Variants in BAZ2A observed in about 807,000 individuals in gnomAD.
The protein encoded by BAZ2A is bromodomain adjacent to zinc finger domain protein 2A.
Under a neutral mutation model 199.9 loss-of-function variants are expected in BAZ2A, and 34 were observed. That is an observed-to-expected ratio of 0.17 (90% CI 0.13 to 0.23). BAZ2A has a LOEUF of 0.23. BAZ2A is among the 10% of genes least tolerant of loss of function. The pLI, the probability that BAZ2A is intolerant of heterozygous loss-of-function variation, is 1.00. For missense variants in BAZ2A, 2,002 were observed against 2,391.1 expected (o/e 0.84, Z 3.39); for synonymous variants, 857 against 883.9 (o/e 0.97, Z 0.54).
At chr12:56,630,615 T>G (rs1360721169), upstream of BAZ2A, among the ~76,000 whole-genome samples, 4 of 152,194 alleles carry the variant, frequency 2.6e-5, no homozygotes, top group African/African-American at 9.7e-5. Context: ...CAAAGGCAGG[T>G]GCCACTTCTC....
chr12:56,625,425 C>T (rs534238720), intron 1 of BAZ2A, among the ~76,000 whole-genome samples: 4 of 151,994 alleles, frequency 2.6e-5, no homozygotes, highest in East Asian at 1.9e-4. Context: ...CAAAGTGCTG[C>T]GACTGCAGGC....
chr12:56,617,493 G>A lies in BAZ2A; in HGVS notation c.38C>T (p.Pro13Leu). ...ANDHFNFTGL[P>L]PAPAASGLKP... ...CAGTCCTGAGGCAGCAGGTGCAGGG[G>A]GAAGGCCAGTAAAGTTAAAATGGTC... Residue 13 changes from proline (P) to leucine (L), a missense_variant, in exon 2 of 29, where the codon CCC (proline) becomes CTC (leucine). By Grantham distance (98) the Pro-to-Leu change is moderately conservative. Around this residue, in one of 6 missense-constraint regions of BAZ2A, gnomAD observed 641 missense variants for 694.5 expected, o/e 0.92. Transcript: ENST00000549884. The A allele has an allele frequency of 1.2e-6, 2 of 1,609,546 alleles. No individual in the cohort carries two copies. The highest frequency in any genetic ancestry group is 1.7e-6 in the Non-Finnish European group (2 of 1,178,032).
rs776907008 is a variant in BAZ2A, at chr12:56,603,382, G to A, written c.3256C>T (p.Arg1086Cys). 6.2e-6 allele frequency: 10 copies of A among 1,613,870 alleles called. No individual in the cohort carries two copies. Among genetic ancestry groups the A allele is most frequent in the Middle Eastern group, 1.6e-4 (1 of 6,084 alleles). The change falls in exon 18 of 29, where the codon CGC (arginine) becomes TGC (cysteine). Residue 1086 changes from arginine (R) to cysteine (C), a missense_variant. Transcript: ENST00000549884. Reference sequence around the variant, plus strand: ...ACCTTGCTGAGTTTTTCTATCTGGCGCTCTAGCTCTGGGATGCTAGATGCT... The same window carrying A: ...ACCTTGCTGAGTTTTTCTATCTGGCACTCTAGCTCTGGGATGCTAGATGCT... ...ATASSIPELE[R>C]QIEKLSKRQL... is the part of the protein sequence containing the mutation.
At chr12:56,626,825 C>T (rs1951109387) in intron 1 of BAZ2A, among the ~76,000 whole-genome samples, 1 of 152,192 alleles carries the variant, frequency 6.6e-6, no homozygotes, top group Admixed American at 6.5e-5. Context: ...AGTGCCAATT[C>T]AGGTAAGCAA....
Position 56,612,203 on chromosome 12 carries a change from T to C in BAZ2A, c.1179A>G (p.Glu393=), listed in dbSNP as rs1472965773. ...DLNNGSDAEQ[E]EMETQSSDFP... Reference sequence around the variant, plus strand: ...AGTCTGAAGATTGAGTTTCCATTTCTTCCTGTTCAGCGTCACTACCATTAT... The same window carrying C: ...AGTCTGAAGATTGAGTTTCCATTTCCTCCTGTTCAGCGTCACTACCATTAT... The change falls in exon 6 of 29, where the codon GAA becomes GAG. Residue 393 remains glutamate, a synonymous_variant. Transcript: ENST00000549884. 2 of 1,613,812 alleles carry C rather than the reference T, an allele frequency of 1.2e-6. No individual in the cohort carries two copies. The highest frequency in any genetic ancestry group is 2.2e-5 in the South Asian group (2 of 91,056).
exon 1 of BAZ2A, chr12:56,636,205 AG>A: frequency 1.9e-6 from 3 of 1,592,072 alleles, no homozygotes; most frequent in Non-Finnish European, 2.6e-6. Flanking sequence ...GCACAGCTCC[AG>A]GCTGGGACCA....
chr12:56,595,608 G>A lies in BAZ2A; in HGVS notation c.*3010C>T, dbSNP rs1885706612. On this transcript the variant is annotated 3_prime_UTR_variant, in exon 29 of 29. Transcript: ENST00000549884. ...ATAAAACACAAAAGTCTACGTCTTG[G>A]TGTCTTATCCGTGAGTGGGAAGTGG... 1 of 151,386 alleles carries A rather than the reference G, an allele frequency of 6.6e-6. No homozygotes were observed. The highest frequency in any genetic ancestry group is 2.4e-5 in the African/African-American group (1 of 41,114). The allele number at this position is 151,386 out of a possible 1,614,324, so 9.4% of individuals were successfully genotyped here. A position where few individuals can be genotyped will look rare whatever the true frequency, so the allele number is the denominator to read the frequency against.
At position 56,635,350 on chromosome 12, in the gene BAZ2A, G is replaced by C. The variant is rs1355371991; in HGVS notation, c.4+832C>G. 6.6e-6 allele frequency among the ~76,000 whole-genome samples: 1 copy of C among 152,102 alleles called. No individual in the cohort carries two copies. The highest frequency in any genetic ancestry group is 6.5e-5 in the Admixed American group (1 of 15,280). ...AAAGAGGCCGGGGAAGGCAGAAAGAGCTACATGGGCTCCTAGGAGGCCTAG... is the reference window on the plus strand; with the variant it reads ...AAAGAGGCCGGGGAAGGCAGAAAGACCTACATGGGCTCCTAGGAGGCCTAG... On this transcript the variant is annotated intron_variant, in intron 1 of 29. Transcript: ENST00000379441. This position sits in a 1 kb window ranked among gnomAD's most constrained non-coding sequence, Gnocchi z 4.1.
rs7970523 is a variant in BAZ2A, at chr12:56,598,593, A to C, written c.*25T>G. On this transcript the variant is annotated 3_prime_UTR_variant, in exon 29 of 29. Coordinates refer to ENST00000549884, the MANE Select transcript of BAZ2A (RefSeq NM_001300905.2). ...TTTGGAAGGTGGGGGGAGATGCCACAAGGTGACTCCCCACCTCCCTTGCCT... is the reference window on the plus strand; with the variant it reads ...TTTGGAAGGTGGGGGGAGATGCCACCAGGTGACTCCCCACCTCCCTTGCCT... 66,457 of 1,607,448 alleles carry C rather than the reference A, an allele frequency of 0.041. 1,576 individuals are homozygous for C. Among genetic ancestry groups the C allele is most frequent in the Non-Finnish European group, 0.049 (57,643 of 1,177,020 alleles).
chr12:56,598,444 G>A lies in BAZ2A; in HGVS notation c.*174C>T. On this transcript the variant is annotated 3_prime_UTR_variant, in exon 29 of 29. Coordinates refer to ENST00000549884, the MANE Select transcript of BAZ2A (RefSeq NM_001300905.2). ...ACTTGAGGAGCAAGAGGAGGGAAGGGAGAAAGGGATGTAGGAATAAGAGGA... is the reference window on the plus strand; with the variant it reads ...ACTTGAGGAGCAAGAGGAGGGAAGGAAGAAAGGGATGTAGGAATAAGAGGA... 1.3e-6 allele frequency: 1 copy of A among 776,654 alleles called. No individual in the cohort carries two copies. Among genetic ancestry groups the A allele is most frequent in the Non-Finnish European group, 2.0e-6 (1 of 497,650 alleles). The allele number at this position is 776,654 out of a possible 1,614,324, so 48.1% of individuals were successfully genotyped here. A position where few individuals can be genotyped will look rare whatever the true frequency, so the allele number is the denominator to read the frequency against.
At chr12:56,603,252 A>T in intron 18 of BAZ2A, 107 bp downstream of exon 18, 1 of 1,294,728 alleles carries the variant, frequency 7.7e-7, no homozygotes, top group South Asian at 1.4e-5. Flanking sequence ...TGGGTAACAG[A>T]AACCCCATCT....
chr12:56,614,363 TACA>T (rs1950650989), intron 3 of BAZ2A: 2 of 480,778 alleles, frequency 4.2e-6, no homozygotes, highest in East Asian at 6.4e-5. Context: ...TGGGGTCTGA[TACA>T]ACATCTCTAT....
At chr12:56,620,119 T>C (rs959316162) in intron 1 of BAZ2A, among the ~76,000 whole-genome samples, 7 of 151,450 alleles carry the variant, frequency 4.6e-5, no homozygotes, top group Admixed American at 3.3e-4. Flanking sequence ...CTGGAAGAAG[T>C]GTCTTGGGCC....
Position 56,611,824 on chromosome 12 carries a change from T to C in BAZ2A, c.1558A>G (p.Thr520Ala). The change falls in exon 6 of 29, where the codon ACT becomes GCT. Residue 520 changes from threonine to alanine, a missense_variant. By Grantham distance (58) the Thr-to-Ala change is moderately conservative (BLOSUM62 0). This residue lies in a region of BAZ2A where 641 missense variants were observed against 694.5 expected (regional missense o/e 0.92). Transcript: ENST00000549884. ...NKDVSSFLET[T>A]ADVEEITGEG... The stretch of plus-strand genomic sequence containing the variant: ...CCAGTGATCTCTTCCACGTCAGCAG[T>C]GGTTTCTAGAAAGCTGCTGACATCC... 1 of 1,574,438 alleles carries C rather than the reference T, an allele frequency of 6.4e-7. No homozygotes were observed. The highest frequency in any genetic ancestry group is 8.6e-7 in the Non-Finnish European group (1 of 1,160,110).
At chr12:56,630,411 C>T (rs966729646), upstream of BAZ2A, 49 of 446,874 alleles carry the variant, frequency 1.1e-4, no homozygotes, top group Non-Finnish European at 3.5e-5. Flanking sequence ...TAAAGCCCGC[C>T]AGCCCATCTT....
chr12:56,610,045 G>C lies in BAZ2A; in HGVS notation c.1881+69C>G, dbSNP rs2136974839. On this transcript the variant is annotated intron_variant, in intron 9 of 28. Transcript: ENST00000549884. ...GCCCCAGAACCTTCAAACCCCACGA[G>C]AGGAAGCTGCAGCTTGTCCACCAAC... 5 of 1,602,724 alleles carry C rather than the reference G, an allele frequency of 3.1e-6. No individual in the cohort carries two copies. In the South Asian group the frequency reaches 5.5e-5, roughly 18 times the overall value.
rs1460533317 is a variant in BAZ2A, at chr12:56,614,082, C to G, written c.787G>C (p.Glu263Gln). Residue 263 changes from glutamate to glutamine, a missense_variant, in exon 4 of 29, where the codon GAG becomes CAG. By Grantham distance (29) the Glu-to-Gln change is conservative (BLOSUM62 2). Around this residue, in one of 6 missense-constraint regions of BAZ2A, gnomAD observed 641 missense variants for 694.5 expected, o/e 0.92. Transcript: ENST00000549884. ...GGGTCAGGGACCAGGACTGAGACCT[C>G]TTGGTGTAACGATTCCACAGAAGGG... Reference protein sequence around the residue: ...SVPSVESLHQEVSVLVPDPTV... With the variant: ...SVPSVESLHQQVSVLVPDPTV... 1 of 1,613,970 alleles carries G rather than the reference C, an allele frequency of 6.2e-7. No homozygotes were observed. The highest frequency in any genetic ancestry group is 1.1e-5 in the South Asian group (1 of 91,084).
chr12:56,605,039 T>G, intron 14 of BAZ2A, 34 bp downstream of exon 14: 1 of 1,547,406 alleles, frequency 6.5e-7, no homozygotes. Flanking sequence ...CTCCTTTACT[T>G]GTCCTGGTTA....
chr12:56,605,412 ATTT>A lies in BAZ2A; in HGVS notation c.2494-88_2494-86del, dbSNP rs1292791003. ...ATGTCTACAAGAGGTTCTTCCTTTA[ATTT>A]TTATGTAATTTTTTTTTTTTTTTTG... On this transcript the variant is annotated intron_variant, in intron 13 of 28. Transcript: ENST00000549884. 2.2e-6 allele frequency: 3 copies of A among 1,336,932 alleles called. No homozygotes were observed. In the African/African-American group the frequency reaches 4.5e-5, roughly 20 times the overall value. The allele number at this position is 1,336,932 out of a possible 1,614,324, so 82.8% of individuals were successfully genotyped here. A position where few individuals can be genotyped will look rare whatever the true frequency, so the allele number is the denominator to read the frequency against.
Sources: allele counts gnomAD v4.1 joint callset (sites outside exome capture counted in the v4.1 genomes callset), GRCh38; gene constraint gnomAD v4.1.1; regional missense constraint gnomAD v4.1.1; non-coding constraint Gnocchi (gnomAD v3.1); transcripts MANE v1.5; gene names NCBI Gene and HGNC (gene_info 2026-07-23, HGNC 2026-07-21).